Variants in SCLT1 observed in about 807,000 individuals in gnomAD.
The protein encoded by SCLT1 is sodium channel and clathrin linker 1, also known as sodium channel-associated protein 1.
SCLT1 carries 78 observed loss-of-function variants against 112.8 expected under a neutral mutation model. The ratio of observed to expected loss-of-function variants is 0.69; its 90% CI spans 0.58 to 0.83. SCLT1 has a LOEUF of 0.83. SCLT1 is among the 40% of genes least tolerant of loss of function. The pLI is 0.00. For missense variants in SCLT1, 747 were observed against 770.4 expected (o/e 0.97, Z 0.36); for synonymous variants, 257 against 254.7 (o/e 1.01, Z -0.09).
chr4:129,029,435 C>T lies in SCLT1; in HGVS notation c.290+9606G>A, dbSNP rs190045007. Among the ~76,000 whole-genome samples, 633 of 151,216 alleles carry T rather than the reference C, an allele frequency of 4.2e-3. 5 individuals carry two copies. Among genetic ancestry groups the T allele is most frequent in the Non-Finnish European group, 7.0e-3 (477 of 67,898 alleles). ...AGCAAACTGTCTCAAGGACAAAAAA[C>T]CAAACACCGCATGTTCTCACTCATA... On this transcript the variant is annotated intron_variant, in intron 5 of 20. Coordinates refer to ENST00000281142, the MANE Select transcript of SCLT1 (RefSeq NM_144643.4).
chr4:128,938,139 C>T (rs992066448), intron 17 of SCLT1, among the ~76,000 whole-genome samples: 2 of 152,174 alleles, frequency 1.3e-5, no homozygotes, highest in East Asian at 3.8e-4. Flanking sequence ...CAAATGTCCA[C>T]AGCTGGCTAG....
intron 15 of SCLT1, among the ~76,000 whole-genome samples, chr4:128,947,137 A>G (rs913316916): frequency 6.6e-5 from 10 of 152,228 alleles, no homozygotes; most frequent in African/African-American, 2.4e-4. Context: ...ACCCAGCAGT[A>G]CTTTGACCTT....
chr4:128,925,773 T>A (rs953749026), intron 18 of SCLT1, among the ~76,000 whole-genome samples: 4 of 152,098 alleles, frequency 2.6e-5, no homozygotes, highest in Non-Finnish European at 5.9e-5. Context: ...CTATGTTTCA[T>A]TTTTGGATGG....
At chr4:129,074,118 AAAT>A (rs1751258022) in intron 2 of SCLT1, among the ~76,000 whole-genome samples, 1 of 152,212 alleles carries the variant, frequency 6.6e-6, no homozygotes. Context: ...CTTAAGATAC[AAAT>A]AATATGCTGT....
At chr4:129,021,127 C>T (rs1745434410) in intron 5 of SCLT1, among the ~76,000 whole-genome samples, 1 of 152,052 alleles carries the variant, frequency 6.6e-6, no homozygotes, top group Non-Finnish European at 1.5e-5. Flanking sequence ...GGTGGGGTGT[C>T]GCTTTACCCA....
intron 6 of SCLT1, among the ~76,000 whole-genome samples, chr4:129,003,454 GA>G (rs970081063): frequency 7.0e-6 from 1 of 143,674 alleles, no homozygotes; most frequent in Admixed American, 6.9e-5. Context: ...AAAAGAAAAA[GA>G]AAAAAAAGAA....
chr4:129,035,665 T>C (rs1327944894), intron 5 of SCLT1, among the ~76,000 whole-genome samples: 2 of 152,132 alleles, frequency 1.3e-5, no homozygotes, highest in Middle Eastern at 3.2e-3. Flanking sequence ...GCTGTACATG[T>C]ATTCATTCAT....
At chr4:128,944,754 G>A (rs1486286395) in intron 16 of SCLT1, 2 of 152,218 alleles carry the variant, frequency 1.3e-5, no homozygotes, top group Non-Finnish European at 2.9e-5. Flanking sequence ...TGTATGTGGA[G>A]AATGTGGGAA....
intron 5 of SCLT1, among the ~76,000 whole-genome samples, chr4:129,021,516 G>A (rs532814050): frequency 3.9e-5 from 6 of 152,288 alleles, no homozygotes; most frequent in South Asian, 2.1e-4. Context: ...AGGGGCATCC[G>A]CCATTACTGA....
intron 18 of SCLT1, among the ~76,000 whole-genome samples, chr4:128,932,436 T>C (rs1022231007): frequency 1.3e-5 from 2 of 152,118 alleles, no homozygotes; most frequent in African/African-American, 4.8e-5. Flanking sequence ...CTAAAAAACA[T>C]ATTTCCTACC....
At chr4:128,987,896 A>G (rs1231378921) in intron 9 of SCLT1, among the ~76,000 whole-genome samples, 1 of 152,170 alleles carries the variant, frequency 6.6e-6, no homozygotes, top group Non-Finnish European at 1.5e-5. Flanking sequence ...CAATAATCAA[A>G]GTCTCAAAGG....
intron 5 of SCLT1, among the ~76,000 whole-genome samples, chr4:129,033,719 T>C (rs1746950398): frequency 6.6e-6 from 1 of 151,840 alleles, no homozygotes; most frequent in African/African-American, 2.4e-5. Flanking sequence ...AAGAAACAAG[T>C]AAAAGGTCCT....
chr4:128,934,876 A>G (rs1428976815), intron 18 of SCLT1, among the ~76,000 whole-genome samples: 2 of 151,964 alleles, frequency 1.3e-5, no homozygotes, highest in African/African-American at 2.4e-5. Flanking sequence ...AACTTCTTTG[A>G]CATCTTGTCA....
intron 3 of SCLT1, among the ~76,000 whole-genome samples, 195 bp downstream of exon 3, chr4:129,043,798 A>C (rs1747923837): frequency 6.6e-6 from 1 of 152,168 alleles, no homozygotes; most frequent in Admixed American, 6.5e-5. Context: ...TCTCCTGGGG[A>C]AACAGGGGTA....
intron 11 of SCLT1, among the ~76,000 whole-genome samples, chr4:128,963,311 C>A (rs1739900397): frequency 6.6e-6 from 1 of 152,042 alleles, no homozygotes; most frequent in South Asian, 2.1e-4. Context: ...TGATGATAAT[C>A]CTTTGTATTT....
intron 18 of SCLT1, among the ~76,000 whole-genome samples, chr4:128,904,875 T>C (rs1194592774): frequency 6.6e-6 from 1 of 152,182 alleles, no homozygotes; most frequent in East Asian, 1.9e-4. Flanking sequence ...TTTCTCATTG[T>C]TAACTAAAAA....
intron 9 of SCLT1, among the ~76,000 whole-genome samples, chr4:128,980,727 A>C (rs985873586): frequency 1.3e-5 from 2 of 152,312 alleles, no homozygotes; most frequent in East Asian, 3.9e-4. Context: ...ATAATGAGAA[A>C]CACTAAAAAT....
chr4:128,962,244 T>G (rs1164351528), intron 11 of SCLT1, among the ~76,000 whole-genome samples: 3 of 152,214 alleles, frequency 2.0e-5, no homozygotes. Flanking sequence ...AGAAACAACT[T>G]TGAAAACAAA....
chr4:128,991,751 G>A (rs1054494471), intron 9 of SCLT1, among the ~76,000 whole-genome samples: 12 of 151,640 alleles, frequency 7.9e-5, no homozygotes, highest in Non-Finnish European at 1.5e-4. Context: ...TTCCCCATTC[G>A]TGGATTCAAC....
Sources: allele counts gnomAD v4.1 joint callset (sites outside exome capture counted in the v4.1 genomes callset), GRCh38; gene constraint gnomAD v4.1.1; transcripts MANE v1.5; gene names NCBI Gene and HGNC (gene_info 2026-07-23, HGNC 2026-07-21).